The following NOB1 variants were observed in gnomAD, a reference collection of about 807,000 sequenced individuals.
The protein encoded by NOB1 is RNA-binding protein NOB1.
Under a neutral mutation model 44.8 loss-of-function variants are expected in NOB1, and 44 were observed. That is an observed-to-expected ratio of 0.98 (90% confidence interval 0.77 to 1.26). The LOEUF (loss-of-function observed/expected upper bound fraction) is 1.26, where lower values mean the gene tolerates loss of function less well. Among genes scored for constraint, NOB1 ranks in the 50% most tolerant of loss-of-function variants. NOB1 has a pLI of 0.00. For missense variants in NOB1, 560 were observed against 544.8 expected (o/e 1.03, Z -0.28); for synonymous variants, 238 against 218.7 (o/e 1.09, Z -0.78).
At chr16:69,749,805 C>G (rs1280975941) in intron 3 of NOB1, among the ~76,000 whole-genome samples, 175 bp from the exon 4 acceptor site, 1 of 151,690 alleles carries the variant, frequency 6.6e-6, no homozygotes, top group Non-Finnish European at 1.5e-5. Flanking sequence ...TGGCGAAACC[C>G]TGTCTCTACT....
In NOB1 at chr16:69,754,893, G is replaced by GT. The variant is rs1226474139; in HGVS notation, c.17dup (p.His6GlnfsTer31). ...GGAAAGCCCCAGCATCCGCCACAAC[G>GT]TGCTCCACTGGAGCCATGTTGGCTG... On this transcript the variant is annotated frameshift_variant, in exon 1 of 9. Transcript: ENST00000268802. LOFTEE classifies it high-confidence loss of function. The GT allele has an allele frequency of 6.3e-7, 1 of 1,592,276 alleles. No individual in the cohort carries two copies. Among genetic ancestry groups the GT allele is most frequent in the African/African-American group, 1.3e-5 (1 of 74,632 alleles).
At chr16:69,746,912 AAAACCCC>A (rs968524773) in intron 7 of NOB1, among the ~76,000 whole-genome samples, 6 of 151,570 alleles carry the variant, frequency 4.0e-5, no homozygotes, top group African/African-American at 1.5e-4. Context: ...AAAAAAACAA[AAAACCCC>A]AAAAACCAAA....
At position 69,754,829 on chromosome 16, in the gene NOB1, C is replaced by T. The variant is rs768315823; in HGVS notation, c.63+19G>A. 6.2e-7 allele frequency: 1 copy of T among 1,605,330 alleles called. No individual in the cohort carries two copies. Among genetic ancestry groups the T allele is most frequent in the Admixed American group, 1.7e-5 (1 of 58,640 alleles). On this transcript the variant is annotated intron_variant, in intron 1 of 8. Transcript: ENST00000268802. ...CGGCCAGCCCAGATCTCTCTCGTCC[C>T]GGAGGGAGCTCCCCGTACCTGCAGA... is the stretch of plus-strand genomic sequence containing the variant.
chr16:69,742,196 G>T lies in NOB1; in HGVS notation c.*136C>A. 1 of 1,146,722 alleles carries T rather than the reference G, an allele frequency of 8.7e-7. No homozygotes were observed. The highest frequency in any genetic ancestry group is 1.2e-6 in the Non-Finnish European group (1 of 810,752). 71.0% of individuals were successfully genotyped at this position (1,146,722 alleles called of 1,614,324 possible). A position where few individuals can be genotyped will look rare whatever the true frequency, so the allele number is the denominator to read the frequency against. ...TCCCTGCAGACCCAGCGGGGCATGG[G>T]CGGACAGAGCCGCACCGTGAAGCCC... On this transcript the variant is annotated 3_prime_UTR_variant, in exon 9 of 9. Coordinates refer to ENST00000268802, the MANE Select transcript of NOB1 (RefSeq NM_014062.3).
intron 8 of NOB1, 81 bp from the exon 9 acceptor site, chr16:69,742,682 C>CCTTG (rs2151752233): frequency 7.1e-7 from 1 of 1,406,310 alleles, no homozygotes; most frequent in East Asian, 2.3e-5. Flanking sequence ...GTGCAGCCGA[C>CCTTG]CTTGCAGATC....
intron 2 of NOB1, 113 bp downstream of exon 2, chr16:69,754,481 G>T: frequency 7.1e-7 from 1 of 1,403,654 alleles, no homozygotes; most frequent in Non-Finnish European, 9.7e-7. Flanking sequence ...AGAAAGTGCT[G>T]GCTCTAAATC....
At chr16:69,748,396 GGAACT>G in intron 6 of NOB1, 67 bp from the exon 7 acceptor site, 1 of 1,450,616 alleles carries the variant, frequency 6.9e-7, no homozygotes, top group Non-Finnish European at 9.6e-7. Flanking sequence ...TACAGTTAAG[GGAACT>G]TCACAAACCC....
chr16:69,749,681 C>A (rs755665718), intron 3 of NOB1, 51 bp from the exon 4 acceptor site: 8 of 1,477,646 alleles, frequency 5.4e-6, no homozygotes, highest in Non-Finnish European at 5.6e-6. Flanking sequence ...TTAAAGATAT[C>A]CAGTTTTTTT....
chr16:69,742,302 C>T lies in NOB1; in HGVS notation c.*30G>A, dbSNP rs981980542. 8 of 1,599,956 alleles carry T rather than the reference C, an allele frequency of 5.0e-6. No individual in the cohort carries two copies. Among genetic ancestry groups the T allele is most frequent in the Middle Eastern group, 3.3e-4 (2 of 6,004 alleles). ...CCGGAACTCCACGGCGGCCAGACGC[C>T]CATCCAATTTGCCTGCGGGAACTCG... is the stretch of plus-strand genomic sequence containing the variant. On this transcript the variant is annotated 3_prime_UTR_variant, in exon 9 of 9. Coordinates refer to ENST00000268802, the MANE Select transcript of NOB1 (RefSeq NM_014062.3).
In NOB1 at chr16:69,749,447, C is replaced by T; in HGVS notation, c.400-109G>A. ...ACAAGTCAGATCAGACAGGGCTGGA[C>T]AAACTATGTTATTGGTCCGCGTAAA... On this transcript the variant is annotated intron_variant, in intron 4 of 8. Transcript: ENST00000268802. 3.2e-6 allele frequency: 5 copies of T among 1,541,846 alleles called. No individual in the cohort carries two copies. The South Asian group carries it at 5.7e-5, about 18-fold the overall frequency.
At chr16:69,747,659 G>A (rs1597616093) in intron 7 of NOB1, among the ~76,000 whole-genome samples, 2 of 152,078 alleles carry the variant, frequency 1.3e-5, no homozygotes, top group Middle Eastern at 6.8e-3. Context: ...AAACATTTCG[G>A]TATGTACCGC....
In NOB1 at chr16:69,754,251, C is replaced by T. The variant is rs140256000; in HGVS notation, c.196+343G>A. Among the ~76,000 whole-genome samples the T allele has an allele frequency of 2.2e-3, 335 of 152,314 alleles. 2 individuals are homozygous for T. Among genetic ancestry groups the T allele is most frequent in the South Asian group, 5.4e-3 (26 of 4,822 alleles). On this transcript the variant is annotated intron_variant, in intron 2 of 8. Coordinates refer to ENST00000268802, the MANE Select transcript of NOB1 (RefSeq NM_014062.3). ...AGAGATCCAAACTCTTATTTTAAAT[C>T]CAAATAAATTTATTGCTTGTCTGCA...
At position 69,752,478 on chromosome 16, in the gene NOB1, T is replaced by C. The variant is rs2038491123; in HGVS notation, c.197-107A>G. 2.4e-5 allele frequency: 28 copies of C among 1,143,214 alleles called. 1 individual carries two copies. The South Asian group carries it at 4.3e-4, about 17-fold the overall frequency. 70.8% of individuals were successfully genotyped at this position (1,143,214 alleles called of 1,614,324 possible). ...TTAGAACAGATCAAAATAATGGAAG[T>C]ATCAAAACAATTTAGAAAGGATCAC... On this transcript the variant is annotated intron_variant, in intron 2 of 8. Coordinates refer to ENST00000268802, the MANE Select transcript of NOB1 (RefSeq NM_014062.3).
intron 7 of NOB1, among the ~76,000 whole-genome samples, chr16:69,747,222 C>CAAAAAA (rs35257586): frequency 1.3e-4 from 10 of 78,608 alleles, no homozygotes; most frequent in Non-Finnish European, 2.0e-4. Flanking sequence ...ACCCTGTCTC[C>CAAAAAA]AAAAAAAAAA....
intron 8 of NOB1, among the ~76,000 whole-genome samples, chr16:69,744,442 G>A (rs751748656): frequency 6.6e-6 from 1 of 152,126 alleles, no homozygotes; most frequent in African/African-American, 2.4e-5. Context: ...TTTACTGCTG[G>A]GAGAAGCCAG....
chr16:69,742,672 G>A, intron 8 of NOB1, 71 bp from the exon 9 acceptor site: 1 of 1,507,876 alleles, frequency 6.6e-7, no homozygotes. Context: ...GGCTGGTAAG[G>A]TGCAGCCGAC....
rs771105755 is a variant in NOB1 at position 69,752,229 on chromosome 16, C to G, written c.327+12G>C. On this transcript the variant is annotated intron_variant, in intron 3 of 8. Transcript: ENST00000268802. ...AATACAAAGCTTTTAAAAACCCATC[C>G]TCTTGATTTACCTTCTGTGGTTCTT... is the stretch of plus-strand genomic sequence containing the variant. 3.1e-6 allele frequency: 5 copies of G among 1,608,182 alleles called. No individual in the cohort carries two copies. The highest frequency in any genetic ancestry group is 3.4e-6 in the Non-Finnish European group (4 of 1,176,522).
rs926205566 is a variant in NOB1 at position 69,745,129 on chromosome 16, C to T, written c.825-112G>A. 4.2e-5 allele frequency: 46 copies of T among 1,084,114 alleles called. 1 individual carries two copies. The highest frequency in any genetic ancestry group is 4.1e-4 in the Middle Eastern group (2 of 4,916). The allele number at this position is 1,084,114 out of a possible 1,614,324, so 67.2% of individuals were successfully genotyped here. ...GAGAAGAAACAGGGAAGGGCTGAACCGCACCACACATGTCACAAAGACGGA... is the reference window on the plus strand; with the variant it reads ...GAGAAGAAACAGGGAAGGGCTGAACTGCACCACACATGTCACAAAGACGGA... On this transcript the variant is annotated intron_variant, in intron 7 of 8. Coordinates refer to ENST00000268802, the MANE Select transcript of NOB1 (RefSeq NM_014062.3).
intron 3 of NOB1, among the ~76,000 whole-genome samples, chr16:69,751,159 C>T (rs1040041022): frequency 6.6e-6 from 1 of 152,052 alleles, no homozygotes; most frequent in East Asian, 1.9e-4. Flanking sequence ...GATCACAACT[C>T]ACTGCAACCT....
Sources: gnomAD v4.1 joint callset for allele counts (sites outside exome capture counted in the v4.1 genomes callset) on GRCh38, gnomAD v4.1.1 for gene constraint, MANE v1.5 for transcripts, NCBI Gene and HGNC (gene_info 2026-07-23, HGNC 2026-07-21) for gene names.